Variants in ARID1A observed in about 807,000 individuals in gnomAD.
ARID1A encodes the protein AT-rich interaction domain 1A.
A neutral mutation model predicts 212.6 loss-of-function variants in ARID1A; 20 were observed. That is an observed-to-expected ratio of 0.09 (90% CI 0.07 to 0.14). The LOEUF is 0.14. ARID1A is among the 10% of genes least tolerant of loss of function. ARID1A has a pLI of 1.00. For missense variants in ARID1A, 2,587 were observed against 3,059.0 expected, an observed-to-expected ratio of 0.85 and a Z score of 3.64; for synonymous variants, 1,376 against 1,222.1, an observed-to-expected ratio of 1.13 and a Z score of -2.63.
At chr1:26,703,312 G>A (rs2080348536) in intron 1 of ARID1A, among the ~76,000 whole-genome samples, 2 of 152,044 alleles carry the variant, frequency 1.3e-5, no homozygotes, top group Admixed American at 1.3e-4. Context: ...TCTTTTTATG[G>A]AAGAAGAAGA....
chr1:26,774,046 G>GC lies in ARID1A; in HGVS notation c.4101+150dup, dbSNP rs1473333039. ...CTGACTGGCCAGTCCTGCCTGAAGA[G>GC]CCACGTCCTCAATCTCTTCTCTATT... On this transcript the variant is annotated intron_variant, in intron 17 of 19. Coordinates refer to ENST00000324856, the MANE Select transcript of ARID1A (RefSeq NM_006015.6). The surrounding 1 kb of genome is among the most constrained non-coding windows in gnomAD (Gnocchi z 5.6). 3.0e-5 allele frequency: 34 copies of GC among 1,128,000 alleles called. No individual in the cohort carries two copies. The highest frequency in any genetic ancestry group is 4.2e-5 in the Non-Finnish European group (33 of 795,042). The allele number at this position is 1,128,000 out of a possible 1,614,324, so 69.9% of individuals were successfully genotyped here. A position where few individuals can be genotyped will look rare whatever the true frequency, so the allele number is the denominator to read the frequency against.
rs1183147516 is a variant in ARID1A at position 26,766,438 on chromosome 1, A to G, written c.2879-19A>G. Reference sequence around the variant, plus strand: ...ACAGCTAAACTTACTGGACTTGAGAATTTTTTTCTCTTTTACAGGGATGGC... The same window carrying G: ...ACAGCTAAACTTACTGGACTTGAGAGTTTTTTTCTCTTTTACAGGGATGGC... On this transcript the variant is annotated intron_variant, in intron 9 of 19. Transcript: ENST00000324856. The G allele has an allele frequency of 2.5e-6, 4 of 1,613,620 alleles. No individual in the cohort carries two copies. Among genetic ancestry groups the G allele is most frequent in the African/African-American group, 1.3e-5 (1 of 74,830 alleles).
intron 8 of ARID1A, 118 bp from the exon 9 acceptor site, chr1:26,766,103 A>C: frequency 8.3e-7 from 1 of 1,199,586 alleles, no homozygotes; most frequent in South Asian, 1.6e-5. Context: ...TTGGGGACCC[A>C]TAAATGTTTT....
chr1:26,746,036 A>T (rs1481467686), intron 4 of ARID1A, among the ~76,000 whole-genome samples: 1 of 152,170 alleles, frequency 6.6e-6, no homozygotes, highest in Non-Finnish European at 1.5e-5. Flanking sequence ...GGGCAACAAG[A>T]GCAAAACTCT....
chr1:26,713,361 ATT>A (rs200403424), intron 1 of ARID1A, among the ~76,000 whole-genome samples: 16 of 137,920 alleles, frequency 1.2e-4, no homozygotes, highest in African/African-American at 1.6e-4. Context: ...GTGAAGATTG[ATT>A]TTTTTTTTTT....
rs540070510 is a variant in ARID1A, at chr1:26,720,249, GA to G, written c.1138-9388del. ...TGGTGACAGAGCGAGGCTCTGTCTC[GA>G]AAAAAAAAAAAAAGGTACAACCTTC... On this transcript the variant is annotated intron_variant, in intron 1 of 19. Transcript: ENST00000324856. Among the ~76,000 whole-genome samples, 982 of 120,390 alleles carry G rather than the reference GA, an allele frequency of 8.2e-3. 11 individuals carry two copies. The highest frequency in any genetic ancestry group is 0.023 in the African/African-American group (769 of 32,750). The allele number at this position is 120,390 out of a possible 152,430, so 79.0% of individuals were successfully genotyped here.
chr1:26,696,312 C>A lies in ARID1A; in HGVS notation c.-92C>A. 3 of 1,181,974 alleles carry A rather than the reference C, an allele frequency of 2.5e-6. No individual in the cohort carries two copies. Among genetic ancestry groups the A allele is most frequent in the Middle Eastern group, 3.4e-4 (1 of 2,974 alleles). 73.2% of individuals were successfully genotyped at this position (1,181,974 alleles called of 1,614,324 possible). On this transcript the variant is annotated 5_prime_UTR_variant, in exon 1 of 20. Coordinates refer to ENST00000324856, the MANE Select transcript of ARID1A (RefSeq NM_006015.6). ...GGCCCGCCCGGGCGGGTGGGGAGGG[C>A]AGCCCGGGGGACTGGGCCCCGGGGC... is the stretch of plus-strand genomic sequence containing the variant.
intron 4 of ARID1A, among the ~76,000 whole-genome samples, chr1:26,754,326 T>C (rs1379005310): frequency 6.6e-6 from 1 of 152,182 alleles, no homozygotes; most frequent in African/African-American, 2.4e-5. Context: ...AGGACATCTT[T>C]TGGAGACTTC....
rs2081186566 is a variant in ARID1A, at chr1:26,780,894, A to G, written c.*138A>G. Reference sequence around the variant, plus strand: ...CTGTCCAGCTTCTCCCTTGGGAAAAAGTCTCTCCTGTTTCTCTCTCCTCCT... The same window carrying G: ...CTGTCCAGCTTCTCCCTTGGGAAAAGGTCTCTCCTGTTTCTCTCTCCTCCT... On this transcript the variant is annotated 3_prime_UTR_variant, in exon 20 of 20. Transcript: ENST00000324856. This position sits in a 1 kb window ranked among gnomAD's most constrained non-coding sequence, Gnocchi z 7.2. 2.4e-6 allele frequency: 3 copies of G among 1,270,990 alleles called. No homozygotes were observed. The highest frequency in any genetic ancestry group is 3.2e-6 in the Non-Finnish European group (3 of 939,476). The allele number at this position is 1,270,990 out of a possible 1,614,324, so 78.7% of individuals were successfully genotyped here. A position where few individuals can be genotyped will look rare whatever the true frequency, so the allele number is the denominator to read the frequency against.
chr1:26,713,753 C>T (rs1052644168), intron 1 of ARID1A, among the ~76,000 whole-genome samples: 2 of 152,196 alleles, frequency 1.3e-5, no homozygotes, highest in Non-Finnish European at 1.5e-5. Flanking sequence ...ATGGTCTCTA[C>T]CTCTTCTCAT....
chr1:26,714,073 A>G (rs76443253), intron 1 of ARID1A, among the ~76,000 whole-genome samples: 2 of 152,344 alleles, frequency 1.3e-5, no homozygotes, highest in Non-Finnish European at 2.9e-5. Flanking sequence ...GGAAAAAGAG[A>G]GTTAAATGTT....
intron 4 of ARID1A, among the ~76,000 whole-genome samples, chr1:26,750,470 A>AAG (rs1409727286): frequency 3.9e-5 from 6 of 152,124 alleles, no homozygotes; most frequent in Non-Finnish European, 2.9e-5. Flanking sequence ...CTTGGCTTTT[A>AAG]AAGCCTCTAG....
chr1:26,742,472 A>T (rs573872641), intron 4 of ARID1A, among the ~76,000 whole-genome samples: 2 of 152,204 alleles, frequency 1.3e-5, no homozygotes, highest in East Asian at 3.9e-4. Flanking sequence ...TGCTAACTTT[A>T]ATCAGTTAGA....
At position 26,771,424 on chromosome 1, in the gene ARID1A, C is replaced by A; in HGVS notation, c.3406+98C>A. 7.6e-7 allele frequency: 1 copy of A among 1,312,468 alleles called. No individual in the cohort carries two copies. The highest frequency in any genetic ancestry group is 1.1e-6 in the Non-Finnish European group (1 of 943,380). The allele number at this position is 1,312,468 out of a possible 1,614,324, so 81.3% of individuals were successfully genotyped here. Reference sequence around the variant, plus strand: ...TAAGAGGCTTATCCAACAGGATATGCCAAGGATCTGTGCTCTGCCTTGCCC... The same window carrying A: ...TAAGAGGCTTATCCAACAGGATATGACAAGGATCTGTGCTCTGCCTTGCCC... On this transcript the variant is annotated intron_variant, in intron 12 of 19. Transcript: ENST00000324856. The surrounding 1 kb of genome is among the most constrained non-coding windows in gnomAD (Gnocchi z 5.4).
chr1:26,745,881 G>A lies in ARID1A; in HGVS notation c.1920+13089G>A, dbSNP rs140330295. On this transcript the variant is annotated intron_variant, in intron 4 of 19. Coordinates refer to ENST00000324856, the MANE Select transcript of ARID1A (RefSeq NM_006015.6). ...AGCCTGACCAACATTAAGAAACTCC[G>A]TCTCTACTAAAAATACAAAATTAGC... Among the ~76,000 whole-genome samples the A allele has an allele frequency of 1.2e-4, 19 of 152,162 alleles. No individual in the cohort carries two copies. In the East Asian group the frequency reaches 1.9e-3, roughly 15 times the overall value.
chr1:26,708,741 C>A (rs1246136872), intron 1 of ARID1A, among the ~76,000 whole-genome samples: 1 of 151,894 alleles, frequency 6.6e-6, no homozygotes, highest in Non-Finnish European at 1.5e-5. Flanking sequence ...GTCGCCCAGG[C>A]TGGAGTGCAG....
At position 26,700,454 on chromosome 1, in the gene ARID1A, C is replaced by T. The variant is rs185379524; in HGVS notation, c.1137+2914C>T. The stretch of plus-strand genomic sequence containing the variant: ...TGGGAAGATCTTAGACAAACTTTTA[C>T]TTTATTCCTTTTCATAAGTAGTGTA... On this transcript the variant is annotated intron_variant, in intron 1 of 19. Coordinates refer to ENST00000324856, the MANE Select transcript of ARID1A (RefSeq NM_006015.6). 1.4e-3 allele frequency among the ~76,000 whole-genome samples: 206 copies of T among 152,292 alleles called. 2 individuals carry two copies. The highest frequency in any genetic ancestry group is 4.8e-3 in the African/African-American group (201 of 41,572).
intron 3 of ARID1A, among the ~76,000 whole-genome samples, chr1:26,731,858 A>G (rs2124791120): frequency 6.6e-6 from 1 of 152,352 alleles, no homozygotes; most frequent in South Asian, 2.1e-4. Context: ...ATAAGAAATT[A>G]AAGATAATGG....
chr1:26,757,131 C>A (rs557536526), intron 4 of ARID1A, among the ~76,000 whole-genome samples: 1 of 151,818 alleles, frequency 6.6e-6, no homozygotes, highest in South Asian at 2.1e-4. Flanking sequence ...AGGAGAATCA[C>A]TTGAACCTGG....
Sources: allele counts gnomAD v4.1 joint callset (sites outside exome capture counted in the v4.1 genomes callset), GRCh38; gene constraint gnomAD v4.1.1; non-coding constraint Gnocchi (gnomAD v3.1); transcripts MANE v1.5; gene names NCBI Gene and HGNC (gene_info 2026-07-23, HGNC 2026-07-21).